CTNNA3: variants seen among roughly 807,000 people sequenced by gnomAD.
CTNNA3 encodes the protein catenin alpha-3.
A neutral mutation model predicts 95.7 loss-of-function variants in CTNNA3; 76 were observed. That is an observed-to-expected ratio of 0.79 (90% CI 0.66 to 0.96). The LOEUF (loss-of-function observed/expected upper bound fraction) is 0.96. CTNNA3 is among the 40% of genes least tolerant of loss of function. CTNNA3 has a pLI of 0.00. For synonymous variants in CTNNA3, 431 were observed against 374.4 expected (o/e 1.15, Z -1.74); for missense variants, 1,191 against 1,089.8 (o/e 1.09, Z -1.31).
chr10:66,610,920 G>A (rs1425045128), intron 10 of CTNNA3, among the ~76,000 whole-genome samples: 1 of 152,016 alleles, frequency 6.6e-6, no homozygotes, highest in East Asian at 1.9e-4. Context: ...ATAAAAAAAT[G>A]TGGCATATGT....
chr10:66,751,921 C>T (rs990640984), intron 9 of CTNNA3, among the ~76,000 whole-genome samples: 11 of 152,194 alleles, frequency 7.2e-5, no homozygotes, highest in Admixed American at 1.3e-4. Context: ...ATGCTAAAAA[C>T]TGCAAAACAT....
At chr10:66,356,005 G>A (rs2092605922) in intron 12 of CTNNA3, among the ~76,000 whole-genome samples, 1 of 150,066 alleles carries the variant, frequency 6.7e-6, no homozygotes, top group Non-Finnish European at 1.5e-5. Context: ...CTTTCCAAAT[G>A]ACCTCATTGA....
intron 6 of CTNNA3, among the ~76,000 whole-genome samples, chr10:67,206,660 CA>C (rs201288764): frequency 0.068 from 9,396 of 137,740 alleles, 375 homozygotes; most frequent in East Asian, 0.2. Flanking sequence ...AAAAGACCTT[CA>C]AAAAAAAAAA....
At chr10:67,715,540 GTC>G in intron 1 of CTNNA3, among the ~76,000 whole-genome samples, 1 of 152,130 alleles carries the variant, frequency 6.6e-6, no homozygotes, top group East Asian at 1.9e-4. Context: ...TCTGAGAACC[GTC>G]TATCTAGTAG....
chr10:67,327,129 T>C (rs1416580836), intron 5 of CTNNA3, among the ~76,000 whole-genome samples: 1 of 152,226 alleles, frequency 6.6e-6, no homozygotes, highest in Non-Finnish European at 1.5e-5. Context: ...CCTGCATCAT[T>C]TTATCATGAT....
intron 1 of CTNNA3, among the ~76,000 whole-genome samples, chr10:67,711,283 G>A (rs1419865178): frequency 6.6e-6 from 1 of 152,192 alleles, no homozygotes; most frequent in Non-Finnish European, 1.5e-5. Flanking sequence ...ACTGGAACTG[G>A]GTAATAGGCA....
At chr10:66,040,628 G>T (rs1199493162) in intron 15 of CTNNA3, among the ~76,000 whole-genome samples, 2 of 152,112 alleles carry the variant, frequency 1.3e-5, no homozygotes, top group African/African-American at 4.8e-5. Flanking sequence ...TTCAGAAACA[G>T]AAAGCCAAAT....
chr10:66,907,331 T>C (rs946026827), intron 7 of CTNNA3, among the ~76,000 whole-genome samples: 1 of 152,220 alleles, frequency 6.6e-6, no homozygotes, highest in African/African-American at 2.4e-5. Flanking sequence ...TGCTTTTGTA[T>C]ACTTACTTTG....
intron 12 of CTNNA3, among the ~76,000 whole-genome samples, chr10:66,370,234 C>G (rs934866545): frequency 2.0e-5 from 3 of 151,998 alleles, no homozygotes; most frequent in Admixed American, 2.0e-4. Flanking sequence ...AAATATATAA[C>G]CAGACTTTTC....
intron 10 of CTNNA3, among the ~76,000 whole-genome samples, chr10:66,569,368 A>G (rs1187649011): frequency 1.3e-5 from 2 of 152,148 alleles, no homozygotes; most frequent in African/African-American, 2.4e-5. Context: ...AGAGTATTGT[A>G]TTCTTTTATG....
intron 7 of CTNNA3, among the ~76,000 whole-genome samples, chr10:66,925,377 C>T (rs773656878): frequency 6.6e-6 from 1 of 151,822 alleles, no homozygotes; most frequent in Non-Finnish European, 1.5e-5. Context: ...AAGTATGAAC[C>T]AAATGATCTC....
intron 13 of CTNNA3, among the ~76,000 whole-genome samples, chr10:66,127,769 G>A (rs1046440688): frequency 2.6e-5 from 4 of 152,144 alleles, no homozygotes; most frequent in Admixed American, 1.3e-4. Context: ...ATATGGGAAC[G>A]CTATGTTCTA....
Position 67,219,753 on chromosome 10 carries a change from A to G in CTNNA3, c.697T>C (p.Ser233Pro). Reference sequence around the variant, plus strand: ...ACTGTGTCCTTGCTTGCTTTGAGGGAAGCAACATCAGAATGCTCCAAACAA... The same window carrying G: ...ACTGTGTCCTTGCTTGCTTTGAGGGGAGCAACATCAGAATGCTCCAAACAA... ...SACLEHSDVA[S>P]LKASKDTVCE... The change falls in exon 6 of 18, where the codon TCC becomes CCC. Residue 233 changes from serine (S) to proline (P), a missense_variant. Ser to Pro is a moderately conservative substitution (Grantham distance 74). Coordinates refer to ENST00000433211, the MANE Select transcript of CTNNA3 (RefSeq NM_013266.4). 1 of 1,614,076 alleles carries G rather than the reference A, an allele frequency of 6.2e-7. No homozygotes were observed.
Position 65,918,412 on chromosome 10 carries a change from T to C in CTNNA3, c.*1918A>G, listed in dbSNP as rs910329238. 1 of 152,196 alleles carries C rather than the reference T, an allele frequency of 6.6e-6. No homozygotes were observed. The highest frequency in any genetic ancestry group is 1.5e-5 in the Non-Finnish European group (1 of 68,016). 9.4% of individuals were successfully genotyped at this position (152,196 alleles called of 1,614,324 possible). A position where few individuals can be genotyped will look rare whatever the true frequency, so the allele number is the denominator to read the frequency against. On this transcript the variant is annotated 3_prime_UTR_variant, in exon 18 of 18. Coordinates refer to ENST00000433211, the MANE Select transcript of CTNNA3 (RefSeq NM_013266.4). ...TCCTCTCCCCACTAAATTATAAATTTATACTTCTATCTGGAAGAAGGATAT... is the reference window on the plus strand; with the variant it reads ...TCCTCTCCCCACTAAATTATAAATTCATACTTCTATCTGGAAGAAGGATAT...
At chr10:67,714,471 G>T (rs1320771926) in intron 1 of CTNNA3, among the ~76,000 whole-genome samples, 1 of 152,206 alleles carries the variant, frequency 6.6e-6, no homozygotes, top group African/African-American at 2.4e-5. Context: ...CTCCCATTTG[G>T]AATGGCTATA....
chr10:67,404,742 C>A (rs1297883705), intron 5 of CTNNA3, among the ~76,000 whole-genome samples: 1 of 152,006 alleles, frequency 6.6e-6, no homozygotes, highest in African/African-American at 2.4e-5. Flanking sequence ...AGAAGATCGT[C>A]CCCAAAACAT....
At position 66,861,491 on chromosome 10, in the gene CTNNA3, C is replaced by T. The variant is rs527553296; in HGVS notation, c.1048-85967G>A. On this transcript the variant is annotated intron_variant, in intron 7 of 17. Coordinates refer to ENST00000433211, the MANE Select transcript of CTNNA3 (RefSeq NM_013266.4). ...ATGGGGTCCTGTCCTGGGCTGCTTC[C>T]TGCCTTGTGCCTGAGCTGCTGGGTG... is the stretch of plus-strand genomic sequence containing the variant. Among the ~76,000 whole-genome samples, 7 of 152,276 alleles carry T rather than the reference C, an allele frequency of 4.6e-5. No homozygotes were observed. The South Asian group carries it at 1.0e-3, about 23-fold the overall frequency.
chr10:67,535,621 T>C (rs1442870895), intron 4 of CTNNA3, among the ~76,000 whole-genome samples: 2 of 152,102 alleles, frequency 1.3e-5, no homozygotes, highest in Admixed American at 1.3e-4. Flanking sequence ...AAATCAGGGA[T>C]GTAATTGTCC....
At chr10:66,299,262 G>C (rs2132222893) in intron 12 of CTNNA3, among the ~76,000 whole-genome samples, 1 of 152,260 alleles carries the variant, frequency 6.6e-6, no homozygotes, top group South Asian at 2.1e-4. Context: ...TCACAGGCGT[G>C]GGTCCTCGAC....
Sources: gnomAD v4.1 joint callset for allele counts (sites outside exome capture counted in the v4.1 genomes callset) on GRCh38, gnomAD v4.1.1 for gene constraint, MANE v1.5 for transcripts, NCBI Gene and HGNC (gene_info 2026-07-23, HGNC 2026-07-21) for gene names.